The following C1orf52 variants were observed in gnomAD, a reference collection of about 807,000 sequenced individuals.
C1orf52 encodes the protein UPF0690 protein C1orf52.
Under a neutral mutation model 17.2 loss-of-function variants are expected in C1orf52, and 5 were observed. That is an observed-to-expected ratio of 0.29 (90% CI 0.15 to 0.61). The LOEUF is 0.61. C1orf52 is among the 20% of genes least tolerant of loss of function. The pLI is 0.85. For missense variants in C1orf52, 245 were observed against 234.1 expected, an observed-to-expected ratio of 1.05 and a Z score of -0.30; for synonymous variants, 110 against 88.0, an observed-to-expected ratio of 1.25 and a Z score of -1.40.
chr1:85,259,657 C>G lies in C1orf52; in HGVS notation c.-24G>C, dbSNP rs773370550. ...ATGACGGCTGCGAGCGACAACCCAGCACTCCGCCGGAAGCCGGAAACCGGA... is the reference window on the plus strand; with the variant it reads ...ATGACGGCTGCGAGCGACAACCCAGGACTCCGCCGGAAGCCGGAAACCGGA... On this transcript the variant is annotated 5_prime_UTR_variant, in exon 1 of 3. Transcript: ENST00000471115. 46 of 1,500,726 alleles carry G rather than the reference C, an allele frequency of 3.1e-5. No individual in the cohort carries two copies. The highest frequency in any genetic ancestry group is 4.0e-5 in the Non-Finnish European group (45 of 1,122,418). 93.0% of individuals were successfully genotyped at this position (1,500,726 alleles called of 1,614,324 possible). A position where few individuals can be genotyped will look rare whatever the true frequency, so the allele number is the denominator to read the frequency against.
chr1:85,255,845 T>G (rs1659924255), intron 2 of C1orf52, among the ~76,000 whole-genome samples: 1 of 152,132 alleles, frequency 6.6e-6, no homozygotes, highest in Non-Finnish European at 1.5e-5. Context: ...TATTTGATTT[T>G]GCCTGTATTT....
chr1:85,252,376 AT>A lies in C1orf52; in HGVS notation c.*252del. The A allele has an allele frequency of 2.3e-6, 1 of 426,958 alleles. No homozygotes were observed. Among genetic ancestry groups the A allele is most frequent in the South Asian group, 3.4e-5 (1 of 29,512 alleles). 26.4% of individuals were successfully genotyped at this position (426,958 alleles called of 1,614,324 possible). On this transcript the variant is annotated 3_prime_UTR_variant, in exon 3 of 3. Coordinates refer to ENST00000471115, the MANE Select transcript of C1orf52 (RefSeq NM_198077.4). ...ACAAAACTCTCAAAGCATGTCACCA[AT>A]TCTGTGAGAGCAAGAATGCATCCAA...
At chr1:85,258,836 T>G in intron 1 of C1orf52, 114 bp from the exon 2 acceptor site, 1 of 1,419,672 alleles carries the variant, frequency 7.0e-7, no homozygotes, top group Non-Finnish European at 9.2e-7. Flanking sequence ...TTTTTTTTCT[T>G]TAAGGTTGAA....
At chr1:85,257,982 T>C (rs1160654085) in intron 2 of C1orf52, among the ~76,000 whole-genome samples, 3 of 152,096 alleles carry the variant, frequency 2.0e-5, no homozygotes, top group East Asian at 3.9e-4. Context: ...TAGCCCGGCG[T>C]GGTGGCAGGC....
rs1311552024 is a variant in C1orf52 at position 85,250,714 on chromosome 1, A to G, written c.*1915T>C. 1 of 152,218 alleles carries G rather than the reference A, an allele frequency of 6.6e-6. No homozygotes were observed. Among genetic ancestry groups the G allele is most frequent in the Non-Finnish European group, 1.5e-5 (1 of 68,042 alleles). 9.4% of individuals were successfully genotyped at this position (152,218 alleles called of 1,614,324 possible). On this transcript the variant is annotated 3_prime_UTR_variant, in exon 3 of 3. Transcript: ENST00000471115. ...TTGCAATATTTCAGTAACTTCTGAG[A>G]TATTTGCTCCACCAACACATGCATC...
In C1orf52 at chr1:85,252,657, G is replaced by A. The variant is rs143779356; in HGVS notation, c.521C>T (p.Pro174Leu). 4.5e-4 allele frequency: 718 copies of A among 1,613,304 alleles called. 2 individuals are homozygous for A. The highest frequency in any genetic ancestry group is 3.8e-4 in the Non-Finnish European group (449 of 1,179,606). ...CTTTTTCTTCTTTGCTGGTTCTCCT[G>A]GCTCTACTTTGCGCTTTTTAGAAGT... is the stretch of plus-strand genomic sequence containing the variant. ...EHTSKKRKVEPGEPAKKKK is the reference protein window; with the variant it reads ...EHTSKKRKVELGEPAKKKK The change falls in exon 3 of 3, where the codon CCA (proline) becomes CTA (leucine). Residue 174 changes from proline to leucine, a missense_variant. Transcript: ENST00000471115.
At chr1:85,258,763 G>GGTTCCTAC in intron 1 of C1orf52, 41 bp from the exon 2 acceptor site, 1 of 1,536,136 alleles carries the variant, frequency 6.5e-7, no homozygotes, top group Non-Finnish European at 8.7e-7. Flanking sequence ...GACGAACCGA[G>GGTTCCTAC]GTTCCTACGA....
Position 85,252,702 on chromosome 1 carries a change from T to C in C1orf52, c.476A>G (p.Asp159Gly). 1 of 1,608,306 alleles carries C rather than the reference T, an allele frequency of 6.2e-7. No homozygotes were observed. Among genetic ancestry groups the C allele is most frequent in the Non-Finnish European group, 8.5e-7 (1 of 1,175,872 alleles). Residue 159 changes from aspartate to glycine, a missense_variant and splice_region_variant, in exon 3 of 3, where the codon GAT (aspartate) becomes GGT (glycine). Coordinates refer to ENST00000471115, the MANE Select transcript of C1orf52 (RefSeq NM_198077.4). ...LPEGEETLES[D>G]DEKDEHTSKK... is the part of the protein sequence containing the mutation. ...AGAAGTATGCTCATCTTTTTCATCA[T>C]CTTTAAATAGAAAAGGAAGAGTTTC...
intron 2 of C1orf52, among the ~76,000 whole-genome samples, chr1:85,256,112 CAGA>C (rs1419420355): frequency 6.6e-6 from 1 of 152,192 alleles, no homozygotes; most frequent in African/African-American, 2.4e-5. Flanking sequence ...ATTCGCCCTA[CAGA>C]AGAATAGCTA....
rs1385407057 is a variant in C1orf52, at chr1:85,258,655, T to C, written c.344A>G (p.Lys115Arg). 9.9e-6 allele frequency: 16 copies of C among 1,613,814 alleles called. No individual in the cohort carries two copies. The highest frequency in any genetic ancestry group is 3.4e-6 in the Non-Finnish European group (4 of 1,179,982). The change falls in exon 2 of 3, where the codon AAG becomes AGG. Residue 115 changes from lysine (K) to arginine (R), a missense_variant. Lys to Arg is a conservative substitution (Grantham distance 26, BLOSUM62 2). Coordinates refer to ENST00000471115, the MANE Select transcript of C1orf52 (RefSeq NM_198077.4). ...VPPPETYTTEKKPPPPELDMA... is the reference protein window; with the variant it reads ...VPPPETYTTERKPPPPELDMA... ...GTCAAGCTCTGGAGGCGGAGGCTTC[T>C]TCTCAGTGGTGTAGGTCTCAGGAGG...
chr1:85,258,616 C>A lies in C1orf52; in HGVS notation c.383G>T (p.Trp128Leu), dbSNP rs1660007512. 1.9e-6 allele frequency: 3 copies of A among 1,613,858 alleles called. No homozygotes were observed. Among genetic ancestry groups the A allele is most frequent in the African/African-American group, 1.3e-5 (1 of 74,878 alleles). ...ACCATTGTCCTCATATATGTTAGAC[C>A]ATTTTATTGCCATGTCAAGCTCTGG... is the stretch of plus-strand genomic sequence containing the variant. ...PPPELDMAIK[W>L]SNIYEDNGDD... The change falls in exon 2 of 3, where the codon TGG (tryptophan) becomes TTG (leucine). Residue 128 changes from tryptophan to leucine, a missense_variant. By Grantham distance (61) the Trp-to-Leu change is moderately conservative. Transcript: ENST00000471115.
rs574758947 is a variant in C1orf52 at position 85,258,959 on chromosome 1, T to C, written c.277-237A>G. On this transcript the variant is annotated intron_variant, in intron 1 of 2. Transcript: ENST00000471115. ...CCAAAGAAGAATCCAGTCTCAGAGA[T>C]ACTACGCCAAGGCTGACCCCTTCAG... 5.1e-6 allele frequency: 7 copies of C among 1,384,324 alleles called. No homozygotes were observed. The African/African-American group carries it at 1.0e-4, about 20-fold the overall frequency. The allele number at this position is 1,384,324 out of a possible 1,614,324, so 85.8% of individuals were successfully genotyped here. A position where few individuals can be genotyped will look rare whatever the true frequency, so the allele number is the denominator to read the frequency against.
At chr1:85,259,335 AG>A in intron 1 of C1orf52, 22 bp downstream of exon 1, 1 of 1,602,558 alleles carries the variant, frequency 6.2e-7, no homozygotes, top group Non-Finnish European at 8.5e-7. Flanking sequence ...GCCGAGACCG[AG>A]AAACGGGGTC....
At position 85,259,637 on chromosome 1, in the gene C1orf52, G is replaced by A. The variant is rs76256652; in HGVS notation, c.-4C>T. 21 of 1,540,962 alleles carry A rather than the reference G, an allele frequency of 1.4e-5. No homozygotes were observed. The East Asian group carries it at 2.4e-4, about 18-fold the overall frequency. On this transcript the variant is annotated 5_prime_UTR_variant, in exon 1 of 3. Coordinates refer to ENST00000471115, the MANE Select transcript of C1orf52 (RefSeq NM_198077.4). Reference sequence around the variant, plus strand: ...GGTCCTTCTCCTCCGCTGCCATGACGGCTGCGAGCGACAACCCAGCACTCC... The same window carrying A: ...GGTCCTTCTCCTCCGCTGCCATGACAGCTGCGAGCGACAACCCAGCACTCC...
Position 85,251,470 on chromosome 1 carries a change from AC to A in C1orf52, c.*1158del, listed in dbSNP as rs1312838689. The A allele has an allele frequency of 6.6e-6, 1 of 152,222 alleles. No individual in the cohort carries two copies. Among genetic ancestry groups the A allele is most frequent in the Non-Finnish European group, 1.5e-5 (1 of 68,036 alleles). 9.4% of individuals were successfully genotyped at this position (152,222 alleles called of 1,614,324 possible). Reference sequence around the variant, plus strand: ...TTTATTGTTCAAAATGCTACAAATAACTGCATTTTGGAACTCAACGATCACA... The same window carrying A: ...TTTATTGTTCAAAATGCTACAAATAATGCATTTTGGAACTCAACGATCACA... On this transcript the variant is annotated 3_prime_UTR_variant, in exon 3 of 3. Transcript: ENST00000471115.
In C1orf52 at chr1:85,252,567, T is replaced by C. The variant is rs988887311; in HGVS notation, c.*62A>G. Reference sequence around the variant, plus strand: ...TGGCATAATAACCCACAATATCAACTTAATCTGTCCAAAGAAACATTTCAA... The same window carrying C: ...TGGCATAATAACCCACAATATCAACCTAATCTGTCCAAAGAAACATTTCAA... On this transcript the variant is annotated 3_prime_UTR_variant, in exon 3 of 3. Transcript: ENST00000471115. 7.2e-7 allele frequency: 1 copy of C among 1,380,584 alleles called. No individual in the cohort carries two copies. Among genetic ancestry groups the C allele is most frequent in the African/African-American group, 1.4e-5 (1 of 70,220 alleles). The allele number at this position is 1,380,584 out of a possible 1,614,324, so 85.5% of individuals were successfully genotyped here.
rs777097063 is a variant in C1orf52, at chr1:85,251,633, AT to A, written c.*995del. On this transcript the variant is annotated 3_prime_UTR_variant, in exon 3 of 3. Transcript: ENST00000471115. ...TTAAATTTGAATTTCAGATAAACAC[AT>A]TTTTTGTATATGTCCTGAATATTAA... 9 of 152,202 alleles carry A rather than the reference AT, an allele frequency of 5.9e-5. No homozygotes were observed. Among genetic ancestry groups the A allele is most frequent in the Admixed American group, 3.9e-4 (6 of 15,278 alleles). 9.4% of individuals were successfully genotyped at this position (152,202 alleles called of 1,614,324 possible). A position where few individuals can be genotyped will look rare whatever the true frequency, so the allele number is the denominator to read the frequency against.
chr1:85,257,682 G>A (rs1489554435), intron 2 of C1orf52, among the ~76,000 whole-genome samples: 3 of 152,178 alleles, frequency 2.0e-5, no homozygotes, highest in East Asian at 1.9e-4. Context: ...AGTAAGAGAC[G>A]AAATTATGCT....
At chr1:85,258,790 C>T in intron 1 of C1orf52, 68 bp from the exon 2 acceptor site, 1 of 1,441,494 alleles carries the variant, frequency 6.9e-7, no homozygotes, top group Non-Finnish European at 9.2e-7. Flanking sequence ...TGGGCACATG[C>T]AACTCCCTGC....
Sources: gnomAD v4.1 joint callset for allele counts (sites outside exome capture counted in the v4.1 genomes callset) on GRCh38, gnomAD v4.1.1 for gene constraint, MANE v1.5 for transcripts, NCBI Gene and HGNC (gene_info 2026-07-23, HGNC 2026-07-21) for gene names.